The following FUT9 variants were observed in gnomAD, a reference collection of about 807,000 sequenced individuals.
FUT9 encodes the protein fucosyltransferase 9.
FUT9 carries 15 observed loss-of-function variants against 29.7 expected under a neutral mutation model. The ratio of observed to expected loss-of-function variants is 0.51; its 90% CI spans 0.34 to 0.78. The LOEUF (loss-of-function observed/expected upper bound fraction) is 0.78, where lower values mean the gene tolerates loss of function less well. Ranked by LOEUF, FUT9 falls within the 30% of genes least tolerant of loss-of-function variation. The pLI is 0.01. For synonymous variants in FUT9, 169 were observed against 153.7 expected, an observed-to-expected ratio of 1.10 and a Z score of -0.74; for missense variants, 319 against 425.4, an observed-to-expected ratio of 0.75 and a Z score of 2.20.
At chr6:96,102,275 CAAGT>C (rs758672467) in intron 1 of FUT9, among the ~76,000 whole-genome samples, 12 of 151,332 alleles carry the variant, frequency 7.9e-5, no homozygotes, top group Non-Finnish European at 1.3e-4. Flanking sequence ...ATTACAATGA[CAAGT>C]AAGAACAATA....
rs1773956819 is a variant in FUT9 at position 96,212,487 on chromosome 6, CA to C, written c.*8258del. ...CATATGTGATTTTAAAATAATTAAT[CA>C]AAAAACAAAGACTATCATATTTGAG... On this transcript the variant is annotated 3_prime_UTR_variant, in exon 3 of 3. Transcript: ENST00000302103. 1 of 408,266 alleles carries C rather than the reference CA, an allele frequency of 2.4e-6. No homozygotes were observed. Among genetic ancestry groups the C allele is most frequent in the African/African-American group, 2.1e-5 (1 of 48,238 alleles). The allele number at this position is 408,266 out of a possible 1,614,324, so 25.3% of individuals were successfully genotyped here.
At chr6:96,028,746 G>A (rs1185858912) in intron 1 of FUT9, among the ~76,000 whole-genome samples, 2 of 151,462 alleles carry the variant, frequency 1.3e-5, no homozygotes, top group East Asian at 3.9e-4. Flanking sequence ...GAGAACTTTG[G>A]AACTTTCAGA....
At chr6:96,183,429 G>A (rs964881801) in intron 2 of FUT9, among the ~76,000 whole-genome samples, 6 of 151,860 alleles carry the variant, frequency 4.0e-5, no homozygotes, top group Admixed American at 3.3e-4. Context: ...CTATTTGGAC[G>A]CCCTTTATTT....
chr6:96,207,681 C>T lies in FUT9; in HGVS notation c.*3446C>T, dbSNP rs1773858419. The T allele has an allele frequency of 6.0e-6, 1 of 166,686 alleles. No homozygotes were observed. The highest frequency in any genetic ancestry group is 2.4e-5 in the African/African-American group (1 of 41,362). The allele number at this position is 166,686 out of a possible 1,614,324, so 10.3% of individuals were successfully genotyped here. A position where few individuals can be genotyped will look rare whatever the true frequency, so the allele number is the denominator to read the frequency against. On this transcript the variant is annotated 3_prime_UTR_variant, in exon 3 of 3. Transcript: ENST00000302103. The stretch of plus-strand genomic sequence containing the variant: ...TTGGTTTGCTGTTGATTATACAAAC[C>T]AATAATTATGCCTAGAATTAAATTG...
At chr6:96,193,420 G>A (rs1314807991) in intron 2 of FUT9, among the ~76,000 whole-genome samples, 1 of 137,798 alleles carries the variant, frequency 7.3e-6, no homozygotes, top group African/African-American at 2.6e-5. Flanking sequence ...CTCAAAAGAA[G>A]ACATTTATGC....
At chr6:96,028,491 C>A (rs1054400441) in intron 1 of FUT9, among the ~76,000 whole-genome samples, 1 of 151,568 alleles carries the variant, frequency 6.6e-6, no homozygotes, top group Non-Finnish European at 1.5e-5. Flanking sequence ...ATCTGAGACT[C>A]TTTTTCCTAT....
intron 2 of FUT9, among the ~76,000 whole-genome samples, chr6:96,144,193 G>A (rs1312343708): frequency 6.8e-6 from 1 of 147,836 alleles, no homozygotes; most frequent in Non-Finnish European, 1.5e-5. Context: ...TTTGGGGGAA[G>A]TTAGTTTCTA....
intron 2 of FUT9, among the ~76,000 whole-genome samples, chr6:96,164,250 G>GTTTTTTTT (rs372685063): frequency 1.4e-5 from 1 of 69,384 alleles, no homozygotes; most frequent in African/African-American, 5.3e-5. Flanking sequence ...GGAGATCCAG[G>GTTTTTTTT]TTCTTTTTTT....
chr6:96,189,892 T>A (rs535611794), intron 2 of FUT9, among the ~76,000 whole-genome samples: 30 of 152,316 alleles, frequency 2.0e-4, no homozygotes, highest in African/African-American at 7.2e-4. Context: ...AATTGGAGCA[T>A]TTAGCCCATT....
intron 1 of FUT9, among the ~76,000 whole-genome samples, chr6:96,082,711 T>C (rs1375827794): frequency 1.3e-5 from 2 of 151,952 alleles, no homozygotes; most frequent in East Asian, 3.9e-4. Flanking sequence ...ACAATTACAT[T>C]GAACCTATCT....
In FUT9 at chr6:96,212,443, TAATC is replaced by T. The variant is rs111592324; in HGVS notation, c.*8209_*8212del. 2.4e-6 allele frequency: 1 copy of T among 411,374 alleles called. No individual in the cohort carries two copies. Among genetic ancestry groups the T allele is most frequent in the African/African-American group, 2.1e-5 (1 of 48,700 alleles). The allele number at this position is 411,374 out of a possible 1,614,324, so 25.5% of individuals were successfully genotyped here. A position where few individuals can be genotyped will look rare whatever the true frequency, so the allele number is the denominator to read the frequency against. The stretch of plus-strand genomic sequence containing the variant: ...AGTAGTCTACTTTTTAGATAAAAGA[TAATC>T]TATCTTGAATATTTCATATGTGATT... On this transcript the variant is annotated 3_prime_UTR_variant, in exon 3 of 3. Coordinates refer to ENST00000302103, the MANE Select transcript of FUT9 (RefSeq NM_006581.4).
At chr6:96,090,379 G>A (rs1481875088) in intron 1 of FUT9, among the ~76,000 whole-genome samples, 2 of 151,790 alleles carry the variant, frequency 1.3e-5, no homozygotes, top group Non-Finnish European at 2.9e-5. Flanking sequence ...AATTCTTGAT[G>A]TAGTTAAAAC....
intron 1 of FUT9, among the ~76,000 whole-genome samples, chr6:96,023,214 ACAG>A (rs1770105256): frequency 6.6e-6 from 1 of 151,992 alleles, no homozygotes; most frequent in Non-Finnish European, 1.5e-5. Context: ...GGATGAAGAG[ACAG>A]CAGTTTTTCT....
chr6:96,096,493 G>A (rs984532003), intron 1 of FUT9, among the ~76,000 whole-genome samples: 4 of 152,062 alleles, frequency 2.6e-5, no homozygotes, highest in African/African-American at 9.6e-5. Flanking sequence ...TTCTTACACA[G>A]GTTTATAAGA....
At chr6:96,127,900 T>G (rs1481639186) in intron 2 of FUT9, among the ~76,000 whole-genome samples, 28 of 152,200 alleles carry the variant, frequency 1.8e-4, no homozygotes. Flanking sequence ...TTAATTTGTT[T>G]AAGTTCTTAT....
chr6:96,033,608 G>T (rs1038523489), intron 1 of FUT9, among the ~76,000 whole-genome samples: 1 of 151,420 alleles, frequency 6.6e-6, no homozygotes, highest in Admixed American at 6.6e-5. Context: ...TTTTCCTGAG[G>T]CACATAAAAA....
At chr6:96,111,272 G>A (rs1047353375) in intron 1 of FUT9, among the ~76,000 whole-genome samples, 6 of 152,056 alleles carry the variant, frequency 3.9e-5, no homozygotes, top group Non-Finnish European at 7.4e-5. Flanking sequence ...CCCCACGGCA[G>A]GCAGATGCCT....
At chr6:96,131,660 G>A (rs184367925) in intron 2 of FUT9, among the ~76,000 whole-genome samples, 1 of 152,192 alleles carries the variant, frequency 6.6e-6, no homozygotes, top group Admixed American at 6.5e-5. Context: ...CAGCTTCCAC[G>A]TTCATTCAGT....
chr6:96,202,642 A>G (rs140599060), intron 2 of FUT9, among the ~76,000 whole-genome samples: 3 of 152,334 alleles, frequency 2.0e-5, no homozygotes, highest in African/African-American at 7.2e-5. Context: ...AGGTAAATTT[A>G]TAACGAGAAA....
Sources: allele counts gnomAD v4.1 joint callset (sites outside exome capture counted in the v4.1 genomes callset), GRCh38; gene constraint gnomAD v4.1.1; transcripts MANE v1.5; gene names NCBI Gene and HGNC (gene_info 2026-07-23, HGNC 2026-07-21).